ARL15: variants seen among roughly 807,000 people sequenced by gnomAD.
ARL15 encodes ARF like GTPase 15.
ARL15 carries 19 observed loss-of-function variants against 25.2 expected under a neutral mutation model. The ratio of observed to expected loss-of-function variants is 0.75; its 90% CI spans 0.53 to 1.10. The LOEUF is 1.10. Among genes scored for constraint, ARL15 ranks in the 50% least tolerant of loss-of-function variants. The probability of loss-of-function intolerance (pLI) is 0.00; values close to 1 mark genes in which losing one functional copy is unlikely to be tolerated. For missense variants in ARL15, 220 were observed against 246.0 expected, an observed-to-expected ratio of 0.89 and a Z score of 0.71; for synonymous variants, 94 against 86.8, an observed-to-expected ratio of 1.08 and a Z score of -0.46.
intron 1 of ARL15, among the ~76,000 whole-genome samples, chr5:54,177,299 T>C (rs1290799967): frequency 1.3e-5 from 2 of 152,188 alleles, no homozygotes; most frequent in African/African-American, 2.4e-5. Context: ...TCACCAGTAA[T>C]AACTGACTAT....
intron 1 of ARL15, among the ~76,000 whole-genome samples, chr5:54,295,353 A>G (rs1758439816): frequency 6.6e-6 from 1 of 152,202 alleles, no homozygotes; most frequent in African/African-American, 2.4e-5. Flanking sequence ...GACATAATGA[A>G]ACTAAAACAT....
chr5:53,958,538 C>T (rs1288545214), intron 4 of ARL15, among the ~76,000 whole-genome samples: 2 of 151,932 alleles, frequency 1.3e-5, no homozygotes, highest in African/African-American at 4.8e-5. Flanking sequence ...ATACAGAAAA[C>T]AAATAGCAAA....
intron 4 of ARL15, among the ~76,000 whole-genome samples, chr5:54,020,564 C>A (rs1477869594): frequency 1.3e-5 from 2 of 152,128 alleles, no homozygotes; most frequent in Non-Finnish European, 2.9e-5. Flanking sequence ...TCAAAAAGAT[C>A]CATCCAAAAT....
intron 1 of ARL15, among the ~76,000 whole-genome samples, chr5:54,237,469 T>A (rs1273975243): frequency 6.6e-6 from 1 of 152,212 alleles, no homozygotes; most frequent in African/African-American, 2.4e-5. Flanking sequence ...AGAAACAGCA[T>A]GCTGACAATG....
intron 3 of ARL15, among the ~76,000 whole-genome samples, chr5:54,151,533 A>C (rs1466103645): frequency 1.3e-5 from 2 of 152,218 alleles, no homozygotes; most frequent in Non-Finnish European, 2.9e-5. Context: ...GTGAACAGTA[A>C]GAAAACACCA....
intron 4 of ARL15, among the ~76,000 whole-genome samples, chr5:53,909,294 C>A (rs573248138): frequency 6.6e-6 from 1 of 152,142 alleles, no homozygotes; most frequent in South Asian, 2.1e-4. Context: ...TGGATAATAA[C>A]CTTGGGGATT....
chr5:53,895,005 C>T (rs546213945), intron 4 of ARL15, among the ~76,000 whole-genome samples: 19 of 152,324 alleles, frequency 1.2e-4, no homozygotes, highest in Non-Finnish European at 2.5e-4. Context: ...TCTATGGCTG[C>T]TTTCATGCTA....
At chr5:54,188,690 C>G (rs1755309501) in intron 1 of ARL15, among the ~76,000 whole-genome samples, 1 of 152,074 alleles carries the variant, frequency 6.6e-6, no homozygotes, top group Admixed American at 6.6e-5. Flanking sequence ...ATGTAAAAAT[C>G]TGAAACAAAG....
In ARL15 at chr5:54,269,019, A is replaced by C. The variant is rs925101129; in HGVS notation, c.48+41413T>G. Among the ~76,000 whole-genome samples the C allele has an allele frequency of 2.0e-5, 3 of 151,924 alleles. No individual in the cohort carries two copies. In the East Asian group the frequency reaches 5.8e-4, roughly 29 times the overall value. ...TCTCACTCATAGGTGGGAATTGAAC[A>C]ATGAGAACACATGGACACAGGAAGG... is the stretch of plus-strand genomic sequence containing the variant. On this transcript the variant is annotated intron_variant, in intron 1 of 4. Transcript: ENST00000504924.
At chr5:54,053,499 AT>A (rs1180013324) in intron 4 of ARL15, among the ~76,000 whole-genome samples, 3 of 152,198 alleles carry the variant, frequency 2.0e-5, no homozygotes, top group Admixed American at 1.3e-4. Context: ...AAGAAAAAAA[AT>A]AAAAATAAAA....
intron 4 of ARL15, among the ~76,000 whole-genome samples, chr5:54,002,677 A>C (rs1441949243): frequency 6.6e-6 from 1 of 152,246 alleles, no homozygotes; most frequent in Non-Finnish European, 1.5e-5. Context: ...GAAGCACATC[A>C]GCATAATCAG....
chr5:54,271,203 T>G (rs1757775175), intron 1 of ARL15, among the ~76,000 whole-genome samples: 1 of 152,190 alleles, frequency 6.6e-6, no homozygotes, highest in African/African-American at 2.4e-5. Flanking sequence ...GATGGCCTGT[T>G]GTGGAACTTC....
In ARL15 at chr5:53,884,456, G is replaced by C. The variant is rs888615627; in HGVS notation, c.*2105C>G. On this transcript the variant is annotated 3_prime_UTR_variant, in exon 5 of 5. Transcript: ENST00000504924. ...AACATGGCAAATTCTAGGGTTACAA[G>C]GACAGGATGCCGCGCGGAAGCAGCA... The C allele has an allele frequency of 1.3e-5, 2 of 150,622 alleles. No homozygotes were observed. Among genetic ancestry groups the C allele is most frequent in the East Asian group, 3.9e-4 (2 of 5,084 alleles). The allele number at this position is 150,622 out of a possible 1,614,324, so 9.3% of individuals were successfully genotyped here. A position where few individuals can be genotyped will look rare whatever the true frequency, so the allele number is the denominator to read the frequency against.
chr5:54,155,847 A>T (rs1016355439), intron 2 of ARL15, among the ~76,000 whole-genome samples: 1 of 152,190 alleles, frequency 6.6e-6, no homozygotes, highest in Admixed American at 6.6e-5. Context: ...ATGTTTTGCC[A>T]TGTACTTATA....
chr5:54,224,111 A>G (rs1756452484), intron 1 of ARL15, among the ~76,000 whole-genome samples: 1 of 152,220 alleles, frequency 6.6e-6, no homozygotes, highest in South Asian at 2.1e-4. Context: ...TAGAAAGTTA[A>G]GACTCAGCAG....
chr5:54,117,791 G>C (rs1752950940), intron 3 of ARL15, among the ~76,000 whole-genome samples: 1 of 152,138 alleles, frequency 6.6e-6, no homozygotes, highest in South Asian at 2.1e-4. Context: ...CTCAAAAATA[G>C]ATGTGCAAGC....
intron 1 of ARL15, among the ~76,000 whole-genome samples, chr5:54,175,481 T>C (rs1277167108): frequency 4.6e-5 from 7 of 151,934 alleles, no homozygotes; most frequent in African/African-American, 7.3e-5. Flanking sequence ...ATTACAGGTA[T>C]GCGCCACCAC....
chr5:54,038,978 A>T (rs1750252826), intron 4 of ARL15, among the ~76,000 whole-genome samples: 1 of 152,222 alleles, frequency 6.6e-6, no homozygotes, highest in Admixed American at 6.5e-5. Flanking sequence ...ATTTCAAAAC[A>T]TACTCCAAGA....
At chr5:54,003,668 CT>C (rs1748921922) in intron 4 of ARL15, among the ~76,000 whole-genome samples, 2 of 10,914 alleles carry the variant, frequency 1.8e-4, no homozygotes, top group Admixed American at 7.6e-4. Flanking sequence ...TTCTTTCTAT[CT>C]ATCTATCTAT....
Sources: gnomAD v4.1 joint callset for allele counts (sites outside exome capture counted in the v4.1 genomes callset) on GRCh38, gnomAD v4.1.1 for gene constraint, MANE v1.5 for transcripts, NCBI Gene and HGNC (gene_info 2026-07-23, HGNC 2026-07-21) for gene names.